CEP126: variants seen among roughly 807,000 people sequenced by gnomAD.
CEP126 encodes the protein centrosomal protein 126.
Under a neutral mutation model 107.8 loss-of-function variants are expected in CEP126, and 74 were observed. The observed-to-expected ratio is 0.69, with a 90% CI of 0.57 to 0.83. The LOEUF (loss-of-function observed/expected upper bound fraction) is 0.83, where lower values mean the gene tolerates loss of function less well. Among genes scored for constraint, CEP126 ranks in the 40% least tolerant of loss-of-function variants. CEP126 has a pLI of 0.00. For synonymous variants in CEP126, 449 were observed against 446.0 expected (o/e 1.01, Z -0.08); for missense variants, 1,237 against 1,281.9 (o/e 0.96, Z 0.53).
At position 101,961,860 on chromosome 11, in the gene CEP126, C is replaced by T. The variant is rs769761349; in HGVS notation, c.825C>T (p.Ser275=). The T allele has an allele frequency of 6.2e-7, 1 of 1,609,250 alleles. No individual in the cohort carries two copies. ...YLTLNKEHST[S]IQRNTISLKP... ...CACTTAATAAGGAGCATTCCACATC[C>T]ATCCAGCGGAATACCATTTCCCTCA... Residue 275 remains serine (S), a synonymous_variant, in exon 6 of 11, where the codon TCC becomes TCT. Transcript: ENST00000263468.
chr11:101,956,321 T>C (rs1940889400), intron 4 of CEP126: 1 of 456,346 alleles, frequency 2.2e-6, no homozygotes, highest in South Asian at 1.5e-5. Flanking sequence ...GCCTTCCTGT[T>C]TATCCAGTCA....
In CEP126 at chr11:101,963,829, C is replaced by G; in HGVS notation, c.2794C>G (p.Pro932Ala). Residue 932 changes from proline to alanine, a missense_variant, in exon 6 of 11, where the codon CCC becomes GCC. Coordinates refer to ENST00000263468, the MANE Select transcript of CEP126 (RefSeq NM_020802.4). ...AAGAACTGCTGAAGAAGAATCAGTTCCCTTATGGAAAAGAGGTCCTAATGT... is the reference window on the plus strand; with the variant it reads ...AAGAACTGCTGAAGAAGAATCAGTTGCCTTATGGAAAAGAGGTCCTAATGT... ...TLRTAEEESV[P>A]LWKRGPNVLH... The G allele has an allele frequency of 1.2e-6, 2 of 1,613,820 alleles. No homozygotes were observed. The highest frequency in any genetic ancestry group is 1.7e-6 in the Non-Finnish European group (2 of 1,179,906).
intron 2 of CEP126, among the ~76,000 whole-genome samples, chr11:101,925,964 A>G (rs866271864): frequency 2.0e-5 from 3 of 151,368 alleles, no homozygotes; most frequent in African/African-American, 4.9e-5. Flanking sequence ...CATCCATACT[A>G]TATTAAAGAA....
intron 4 of CEP126, among the ~76,000 whole-genome samples, chr11:101,950,261 G>C (rs550193786): frequency 7.2e-5 from 11 of 152,192 alleles, no homozygotes; most frequent in Non-Finnish European, 1.5e-4. Flanking sequence ...AGGATAACAA[G>C]TTTAGTTTGA....
chr11:101,997,524 G>T lies in CEP126; in HGVS notation c.3310-75G>T, dbSNP rs1031155422. The T allele has an allele frequency of 5.0e-6, 8 of 1,608,802 alleles. No individual in the cohort carries two copies. In the African/African-American group the frequency reaches 1.1e-4, roughly 22 times the overall value. ...GGATGTGTTGAATATGCCACTATTT[G>T]ACATGTCAGCCTAGTTTGTAGCTGC... is the stretch of plus-strand genomic sequence containing the variant. On this transcript the variant is annotated intron_variant, in intron 10 of 10. Transcript: ENST00000263468.
At chr11:101,993,669 C>T (rs1030358471) in intron 10 of CEP126, among the ~76,000 whole-genome samples, 2 of 152,166 alleles carry the variant, frequency 1.3e-5, no homozygotes, top group Non-Finnish European at 2.9e-5. Flanking sequence ...GCATTCCCAC[C>T]AGCAGTGTAT....
intron 8 of CEP126, among the ~76,000 whole-genome samples, chr11:101,985,935 T>C (rs902314419): frequency 6.6e-6 from 1 of 152,138 alleles, no homozygotes; most frequent in South Asian, 2.1e-4. Flanking sequence ...AGTTTGTCTT[T>C]AATTTCTTAC....
Position 101,987,048 on chromosome 11 carries a change from A to AG in CEP126, c.3244+7_3244+8insG. The AG allele has an allele frequency of 6.6e-7, 1 of 1,518,392 alleles. No homozygotes were observed. Among genetic ancestry groups the AG allele is most frequent in the Non-Finnish European group, 9.1e-7 (1 of 1,095,938 alleles). The allele number at this position is 1,518,392 out of a possible 1,614,324, so 94.1% of individuals were successfully genotyped here. A position where few individuals can be genotyped will look rare whatever the true frequency, so the allele number is the denominator to read the frequency against. ...CTCAGTGAAAGACTACATTGTAAGTATGGAAGAACACCTTTTATAAGAAAT... is the reference window on the plus strand; with the variant it reads ...CTCAGTGAAAGACTACATTGTAAGTAGTGGAAGAACACCTTTTATAAGAAAT... On this transcript the variant is annotated splice_region_variant and intron_variant, in intron 9 of 10. Transcript: ENST00000263468.
chr11:101,972,779 C>T (rs933317821), intron 6 of CEP126, among the ~76,000 whole-genome samples: 5 of 151,752 alleles, frequency 3.3e-5, no homozygotes, highest in East Asian at 3.9e-4. Context: ...CCAGCCTGGG[C>T]GACAGAGTGA....
chr11:101,915,684 C>T (rs1488900024), intron 1 of CEP126, among the ~76,000 whole-genome samples: 1 of 152,186 alleles, frequency 6.6e-6, no homozygotes, highest in Non-Finnish European at 1.5e-5. Flanking sequence ...AACACATCAA[C>T]TGTGTATTCT....
At chr11:101,982,917 T>G (rs1941273646) in intron 8 of CEP126, among the ~76,000 whole-genome samples, 1 of 152,152 alleles carries the variant, frequency 6.6e-6, no homozygotes, top group South Asian at 2.1e-4. Context: ...TACAGTTTAT[T>G]TAGCATCCCC....
Position 101,963,039 on chromosome 11 carries a change from T to C in CEP126, c.2004T>C (p.Gly668=). The change falls in exon 6 of 11, where the codon GGT becomes GGC. Residue 668 remains glycine, a synonymous_variant. Transcript: ENST00000263468. ...QHSQQFHIQS[G]AGSNIISVST... ...CTCAACAATTCCACATTCAAAGTGG[T>C]GCTGGAAGCAACATAATTAGTGTTT... 3 of 1,614,104 alleles carry C rather than the reference T, an allele frequency of 1.9e-6. No individual in the cohort carries two copies. Among genetic ancestry groups the C allele is most frequent in the Non-Finnish European group, 2.5e-6 (3 of 1,179,976 alleles).
At chr11:101,946,484 G>C (rs1823298574) in intron 3 of CEP126, among the ~76,000 whole-genome samples, 1 of 150,742 alleles carries the variant, frequency 6.6e-6, no homozygotes, top group African/African-American at 2.4e-5. Flanking sequence ...CTCCAGCCTG[G>C]GCAACAGAAC....
intron 2 of CEP126, among the ~76,000 whole-genome samples, chr11:101,943,243 A>G (rs1940689864): frequency 6.6e-6 from 1 of 152,022 alleles, no homozygotes; most frequent in Admixed American, 6.6e-5. Flanking sequence ...CTACATCACT[A>G]CATTCTACCT....
chr11:101,926,703 G>A (rs1225973754), intron 2 of CEP126, among the ~76,000 whole-genome samples: 1 of 152,158 alleles, frequency 6.6e-6, no homozygotes, highest in South Asian at 2.1e-4. Flanking sequence ...AGCATGAACA[G>A]CATTGCCAGA....
intron 4 of CEP126, among the ~76,000 whole-genome samples, chr11:101,950,469 T>C (rs1940796018): frequency 6.6e-6 from 1 of 152,214 alleles, no homozygotes; most frequent in Non-Finnish European, 1.5e-5. Flanking sequence ...GGGTTACACA[T>C]GTGAATGAGA....
At chr11:101,944,186 TATA>T in intron 2 of CEP126, 76 bp from the exon 3 acceptor site, 1 of 1,277,414 alleles carries the variant, frequency 7.8e-7, no homozygotes, top group Non-Finnish European at 1.1e-6. Flanking sequence ...AACATTGTTA[TATA>T]ATAAATGCGT....
intron 4 of CEP126, among the ~76,000 whole-genome samples, chr11:101,950,482 T>C (rs931231177): frequency 3.3e-5 from 5 of 152,244 alleles, no homozygotes; most frequent in African/African-American, 4.8e-5. Context: ...GAATGAGATA[T>C]GGTCCTCTGC....
chr11:101,972,425 CA>C (rs972826654), intron 6 of CEP126, among the ~76,000 whole-genome samples: 3 of 145,760 alleles, frequency 2.1e-5, no homozygotes, highest in Non-Finnish European at 4.6e-5. Context: ...GACTCCGTCT[CA>C]AAAAAAACAA....
Sources: gnomAD v4.1 joint callset for allele counts (sites outside exome capture counted in the v4.1 genomes callset) on GRCh38, gnomAD v4.1.1 for gene constraint, MANE v1.5 for transcripts, NCBI Gene and HGNC (gene_info 2026-07-23, HGNC 2026-07-21) for gene names.